Variants in SV2C observed in about 807,000 individuals in gnomAD.
SV2C encodes synaptic vesicle glycoprotein 2C.
SV2C carries 49 observed loss-of-function variants against 79.7 expected under a neutral mutation model. The observed-to-expected ratio is 0.61, with a 90% confidence interval of 0.49 to 0.78. SV2C has a LOEUF of 0.78. Among genes scored for constraint, SV2C ranks in the 30% least tolerant of loss-of-function variants. The probability of loss-of-function intolerance (pLI) is 0.00; values close to 1 mark genes in which losing one functional copy is unlikely to be tolerated. For synonymous variants in SV2C, 334 were observed against 333.2 expected (o/e 1.00, Z -0.03); for missense variants, 833 against 912.9 (o/e 0.91, Z 1.13).
At chr5:76,101,085 GA>G (rs201992003) in intron 1 of SV2C, among the ~76,000 whole-genome samples, 27,311 of 152,134 alleles carry the variant, frequency 0.18, 3,094 homozygotes, top group South Asian at 0.34. Context: ...CAGGATGTAT[GA>G]GGAGAGGGAA....
In SV2C at chr5:76,285,305, A is replaced by G. The variant is rs1291618752; in HGVS notation, c.1047+10A>G. ...ACGATTCTTGTTGGAGGTAACACTT[A>G]TTATTGCAGATACTCAGGTAGCCCA... On this transcript the variant is annotated intron_variant, in intron 5 of 12. Transcript: ENST00000502798. The G allele has an allele frequency of 5.6e-6, 9 of 1,613,268 alleles. No homozygotes were observed. The East Asian group carries it at 1.1e-4, about 20-fold the overall frequency.
intron 12 of SV2C, among the ~76,000 whole-genome samples, chr5:76,313,515 G>A (rs751834942): frequency 3.9e-5 from 6 of 152,184 alleles, no homozygotes; most frequent in Admixed American, 6.5e-5. Context: ...CCTGCCAAGT[G>A]TACTAGCACA....
chr5:76,051,430 TAA>T, the SV2C span, among the ~76,000 whole-genome samples: 3 of 152,196 alleles, frequency 2.0e-5, no homozygotes, highest in Non-Finnish European at 1.5e-5. Context: ...AAATCTATTG[TAA>T]GTGTTCAAAA....
chr5:76,002,861 G>C, the SV2C span, among the ~76,000 whole-genome samples: 1 of 118,196 alleles, frequency 8.5e-6, no homozygotes, highest in Non-Finnish European at 2.1e-5. Context: ...TTACTTCTGT[G>C]CGTGTGTTTT....
chr5:75,915,692 A>G, the SV2C span, among the ~76,000 whole-genome samples: 1 of 152,190 alleles, frequency 6.6e-6, no homozygotes, highest in Non-Finnish European at 1.5e-5. Context: ...ACTTGGAGAG[A>G]CAGGATTGTT....
the SV2C span, among the ~76,000 whole-genome samples, chr5:75,945,072 G>A: frequency 6.6e-6 from 1 of 152,224 alleles, no homozygotes; most frequent in East Asian, 1.9e-4. Flanking sequence ...ATGTTGGAAT[G>A]ATCAGAAACA....
the SV2C span, among the ~76,000 whole-genome samples, chr5:75,889,006 C>T: frequency 1.3e-5 from 2 of 152,032 alleles, no homozygotes; most frequent in African/African-American, 2.4e-5. Flanking sequence ...TATGTCTTCA[C>T]GTGGCCTTCC....
intron 4 of SV2C, among the ~76,000 whole-genome samples, chr5:76,281,629 A>T (rs1262307569): frequency 1.3e-5 from 2 of 152,184 alleles, no homozygotes; most frequent in Non-Finnish European, 2.9e-5. Flanking sequence ...GGGCTTCTAG[A>T]GTCTCCTTCT....
At chr5:75,892,719 A>G in the SV2C span, among the ~76,000 whole-genome samples, 6 of 152,108 alleles carry the variant, frequency 3.9e-5, no homozygotes, top group Non-Finnish European at 8.8e-5. Flanking sequence ...GTCACTTAGG[A>G]TAAAGGCCTC....
At chr5:75,984,567 A>ATCTATATC in the SV2C span, among the ~76,000 whole-genome samples, 2,214 of 102,772 alleles carry the variant, frequency 0.022, 19 homozygotes, top group Middle Eastern at 0.044. Flanking sequence ...CTATCTATCT[A>ATCTATATC]TATCTATCTA....
chr5:76,016,543 T>C, the SV2C span, among the ~76,000 whole-genome samples: 2 of 152,162 alleles, frequency 1.3e-5, no homozygotes, highest in African/African-American at 4.8e-5. Flanking sequence ...TATCTTACTA[T>C]CTCCATGGCC....
intron 3 of SV2C, among the ~76,000 whole-genome samples, chr5:76,197,969 G>A (rs72773756): frequency 0.2 from 30,828 of 152,124 alleles, 3,221 homozygotes; most frequent in African/African-American, 0.22. Context: ...GAGAACCTGG[G>A]GATCTGTTGT....
intron 4 of SV2C, among the ~76,000 whole-genome samples, chr5:76,229,227 C>G (rs530302847): frequency 1.3e-5 from 2 of 152,226 alleles, no homozygotes; most frequent in African/African-American, 2.4e-5. Flanking sequence ...TGGTGCGGGA[C>G]GGCCATGTGG....
chr5:76,343,476 A>G (rs1197500874), intron 12 of SV2C, among the ~76,000 whole-genome samples: 1 of 152,222 alleles, frequency 6.6e-6, no homozygotes, highest in Non-Finnish European at 1.5e-5. Flanking sequence ...GCTCAATTTC[A>G]TTAGTCGTGA....
At chr5:76,175,988 A>G (rs1229872179) in intron 2 of SV2C, among the ~76,000 whole-genome samples, 2 of 152,112 alleles carry the variant, frequency 1.3e-5, no homozygotes, top group Admixed American at 1.3e-4. Context: ...GGTAACACAA[A>G]GCCCTGGGAT....
chr5:76,137,614 T>C (rs1004126170), intron 2 of SV2C, among the ~76,000 whole-genome samples: 1 of 152,114 alleles, frequency 6.6e-6, no homozygotes, highest in African/African-American at 2.4e-5. Context: ...AGCAAGGGGT[T>C]AGAGAGTCTT....
At chr5:76,301,247 C>A in intron 11 of SV2C, 139 bp from the exon 12 acceptor site, 1 of 1,110,000 alleles carries the variant, frequency 9.0e-7, no homozygotes, top group Non-Finnish European at 1.3e-6. Context: ...GTGAATGCAC[C>A]AGTTCTTGAG....
At chr5:76,215,730 G>A (rs1744892482) in intron 4 of SV2C, among the ~76,000 whole-genome samples, 1 of 152,222 alleles carries the variant, frequency 6.6e-6, no homozygotes, top group Admixed American at 6.5e-5. Flanking sequence ...GAACACAGGA[G>A]TGTAATAAAG....
chr5:76,100,508 A>G (rs954536672), intron 1 of SV2C, among the ~76,000 whole-genome samples: 1 of 152,236 alleles, frequency 6.6e-6, no homozygotes, highest in Non-Finnish European at 1.5e-5. Flanking sequence ...ATTGAAGAAA[A>G]TAGACATTAG....
Sources: gnomAD v4.1 joint callset for allele counts (sites outside exome capture counted in the v4.1 genomes callset) on GRCh38, gnomAD v4.1.1 for gene constraint, MANE v1.5 for transcripts, NCBI Gene and HGNC (gene_info 2026-07-23, HGNC 2026-07-21) for gene names.